HHAT: variants seen among roughly 807,000 people sequenced by gnomAD.
HHAT encodes protein-cysteine N-palmitoyltransferase HHAT.
In HHAT, 47 loss-of-function variants were observed where a neutral mutation model predicts 70.8. That is an observed-to-expected ratio of 0.66 (90% confidence interval 0.53 to 0.85). The LOEUF is 0.85. Ranked by LOEUF, HHAT falls within the 40% of genes least tolerant of loss-of-function variation. HHAT has a pLI of 0.00. For synonymous variants in HHAT, 228 were observed against 247.6 expected, an observed-to-expected ratio of 0.92 and a Z score of 0.74; for missense variants, 609 against 604.8, an observed-to-expected ratio of 1.01 and a Z score of -0.07.
At chr1:210,457,180 GGA>G (rs1473588863) in intron 7 of HHAT, among the ~76,000 whole-genome samples, 5 of 151,996 alleles carry the variant, frequency 3.3e-5, no homozygotes, top group Non-Finnish European at 7.4e-5. Context: ...CCCCCGGCGG[GGA>G]GAGAAAATCT....
At chr1:210,666,263 T>C in intron 11 of HHAT, among the ~76,000 whole-genome samples, 1 of 152,196 alleles carries the variant, frequency 6.6e-6, no homozygotes, top group East Asian at 1.9e-4. Context: ...ATGGATTGAT[T>C]TCTTCCTTGG....
chr1:210,650,860 A>G (rs1484431411), intron 11 of HHAT, among the ~76,000 whole-genome samples: 5 of 152,234 alleles, frequency 3.3e-5, no homozygotes, highest in Non-Finnish European at 7.3e-5. Context: ...GCTTCATGGC[A>G]TACTCCTTCC....
At chr1:210,642,716 G>A (rs1395303101) in intron 11 of HHAT, among the ~76,000 whole-genome samples, 7 of 152,060 alleles carry the variant, frequency 4.6e-5, no homozygotes, top group Admixed American at 6.5e-5. Flanking sequence ...TTTTCTTCTC[G>A]ATTTATAGGC....
At chr1:210,562,399 G>T (rs1356520580) in intron 9 of HHAT, among the ~76,000 whole-genome samples, 4 of 114,590 alleles carry the variant, frequency 3.5e-5, no homozygotes, top group Middle Eastern at 5.7e-3. Flanking sequence ...GGGCCAAGGG[G>T]TGGGGGGTGG....
In HHAT at chr1:210,608,353, T is replaced by C. The variant is rs78142682; in HGVS notation, c.1246-15173T>C. Among the ~76,000 whole-genome samples, 437 of 152,332 alleles carry C rather than the reference T, an allele frequency of 2.9e-3. 2 individuals carry two copies. Among genetic ancestry groups the C allele is most frequent in the African/African-American group, 1.0e-2 (415 of 41,572 alleles). ...GTGCTTTCCTCAGTTATTTAAAAGA[T>C]CACCTTTAATATATAGTAAGTATCA... On this transcript the variant is annotated intron_variant, in intron 10 of 11. Coordinates refer to ENST00000261458, the MANE Select transcript of HHAT (RefSeq NM_018194.6).
intron 9 of HHAT, among the ~76,000 whole-genome samples, chr1:210,516,144 C>G (rs2148591852): frequency 6.6e-6 from 1 of 152,274 alleles, no homozygotes; most frequent in Non-Finnish European, 1.5e-5. Context: ...GACCCAGCAC[C>G]ATTTATGACT....
At chr1:210,540,896 G>A (rs1399442822) in intron 9 of HHAT, among the ~76,000 whole-genome samples, 3 of 151,642 alleles carry the variant, frequency 2.0e-5, no homozygotes, top group Non-Finnish European at 2.9e-5. Context: ...GCTGGAGTGC[G>A]GTGGTGCAAT....
chr1:210,470,757 A>G (rs1007579923), intron 8 of HHAT, among the ~76,000 whole-genome samples: 6 of 152,192 alleles, frequency 3.9e-5, no homozygotes. Context: ...GTTGATCACC[A>G]GTCACCAGAA....
At chr1:210,504,396 T>G (rs1211459675) in intron 8 of HHAT, among the ~76,000 whole-genome samples, 1 of 152,234 alleles carries the variant, frequency 6.6e-6, no homozygotes, top group Non-Finnish European at 1.5e-5. Context: ...TTGGTATCAT[T>G]GTATCCATGC....
At chr1:210,595,428 A>C (rs1232572061) in intron 10 of HHAT, among the ~76,000 whole-genome samples, 4 of 152,200 alleles carry the variant, frequency 2.6e-5, no homozygotes, top group Admixed American at 6.5e-5. Flanking sequence ...ATAAACATAC[A>C]TGTGCATCTG....
At position 210,403,511 on chromosome 1, in the gene HHAT, T is replaced by A. The variant is rs373994329; in HGVS notation, c.469-953T>A. 3.3e-5 allele frequency among the ~76,000 whole-genome samples: 5 copies of A among 152,236 alleles called. No homozygotes were observed. The East Asian group carries it at 9.6e-4, about 29-fold the overall frequency. On this transcript the variant is annotated intron_variant, in intron 5 of 11. Transcript: ENST00000261458. ...GAAACTAGCTGGGTTTCCATGCTTT[T>A]GCACATGTGGTTCTCCTGATATGAT...
chr1:210,514,901 C>T (rs532670173), intron 9 of HHAT, among the ~76,000 whole-genome samples: 2 of 152,334 alleles, frequency 1.3e-5, no homozygotes, highest in South Asian at 2.1e-4. Flanking sequence ...TCTGCCTTTG[C>T]GATCCCTCTT....
chr1:210,362,046 G>A (rs2088381947), intron 2 of HHAT, among the ~76,000 whole-genome samples: 1 of 152,190 alleles, frequency 6.6e-6, no homozygotes, highest in African/African-American at 2.4e-5. Flanking sequence ...ATCTTGTACT[G>A]TGTCTGGTTA....
intron 8 of HHAT, among the ~76,000 whole-genome samples, chr1:210,485,106 A>G (rs1431336585): frequency 6.6e-6 from 1 of 152,170 alleles, no homozygotes; most frequent in Non-Finnish European, 1.5e-5. Context: ...CCAGAAGAAC[A>G]AGAGAGAGAA....
At chr1:210,472,412 G>T (rs2094220818) in intron 8 of HHAT, among the ~76,000 whole-genome samples, 1 of 152,214 alleles carries the variant, frequency 6.6e-6, no homozygotes, top group Non-Finnish European at 1.5e-5. Context: ...CATGGCTCTT[G>T]AGTCTGTGCT....
intron 9 of HHAT, among the ~76,000 whole-genome samples, chr1:210,570,789 A>T (rs189104954): frequency 6.6e-6 from 1 of 152,336 alleles, no homozygotes; most frequent in East Asian, 1.9e-4. Flanking sequence ...CTGTCAAGTC[A>T]TAAGGTGACG....
At chr1:210,355,873 T>C (rs1358023938) in intron 2 of HHAT, among the ~76,000 whole-genome samples, 1 of 152,196 alleles carries the variant, frequency 6.6e-6, no homozygotes, top group Non-Finnish European at 1.5e-5. Flanking sequence ...GTTATTGGTA[T>C]GTTTTCATTC....
intron 6 of HHAT, among the ~76,000 whole-genome samples, chr1:210,410,687 C>T (rs1209033865): frequency 3.3e-5 from 5 of 151,994 alleles, no homozygotes; most frequent in Non-Finnish European, 5.9e-5. Context: ...CCACCACGCC[C>T]AGCTAATTTT....
rs541795412 is a variant in HHAT at position 210,336,287 on chromosome 1, A to ATTTTTTTTTTTTTTTTTTTTTTTTTTTTT, written c.-44+7206_-44+7207insTTTTTTTTTTTTTTTTTTTTTTTTTTTTT. Among the ~76,000 whole-genome samples the ATTTTTTTTTTTTTTTTTTTTTTTTTTTTT allele has an allele frequency of 7.9e-4, 67 of 84,592 alleles. 7 individuals carry two copies. The highest frequency in any genetic ancestry group is 1.1e-3 in the Non-Finnish European group (48 of 42,330). 55.5% of individuals were successfully genotyped at this position (84,592 alleles called of 152,430 possible). A position where few individuals can be genotyped will look rare whatever the true frequency, so the allele number is the denominator to read the frequency against. On this transcript the variant is annotated intron_variant, in intron 1 of 11. Transcript: ENST00000261458. ...AGGCATGCACCACTGTGCCTGGCTA[A>ATTTTTTTTTTTTTTTTTTTTTTTTTTTTT]TTTTTTTTTTTTTTTTTTTTTTTAG...
Sources: allele counts gnomAD v4.1 joint callset (sites outside exome capture counted in the v4.1 genomes callset), GRCh38; gene constraint gnomAD v4.1.1; transcripts MANE v1.5; gene names NCBI Gene and HGNC (gene_info 2026-07-23, HGNC 2026-07-21).